Variants in GATA3 observed in about 807,000 individuals in gnomAD.
GATA3 encodes the protein trans-acting T-cell-specific transcription factor GATA-3.
GATA3 carries 6 observed loss-of-function variants against 36.0 expected under a neutral mutation model. The ratio of observed to expected loss-of-function variants is 0.17; its 90% CI spans 0.09 to 0.33. The LOEUF is 0.33. Ranked by LOEUF, GATA3 falls within the 10% of genes least tolerant of loss-of-function variation. The pLI is 1.00. For missense variants in GATA3, 514 were observed against 610.1 expected (o/e 0.84, Z 1.66); for synonymous variants, 326 against 273.0 (o/e 1.19, Z -1.92).
In GATA3 at chr10:8,058,770, C is replaced by G. The variant is rs373442518; in HGVS notation, c.707C>G (p.Pro236Arg). 23 of 1,610,636 alleles carry G rather than the reference C, an allele frequency of 1.4e-5. No individual in the cohort carries two copies. The highest frequency in any genetic ancestry group is 5.0e-5 in the Admixed American group (3 of 59,994). Residue 236 changes from proline to arginine, a missense_variant, in exon 3 of 6, where the codon CCC (proline) becomes CGC (arginine). Physicochemically the swap from Pro to Arg is moderately radical, Grantham distance 103 (BLOSUM62 -2). This residue lies in a region of GATA3 where 381 missense variants were observed against 354.3 expected (regional missense o/e 1.08). Transcript: ENST00000379328. ...GAGTACAGCTCCGGACTCTTCCCCCCCAGCAGCCTGCTGGGCGGCTCCCCC... is the reference window on the plus strand; with the variant it reads ...GAGTACAGCTCCGGACTCTTCCCCCGCAGCAGCCTGCTGGGCGGCTCCCCC... ...VPEYSSGLFPPSSLLGGSPTG... is the reference protein window; with the variant it reads ...VPEYSSGLFPRSSLLGGSPTG...
chr10:8,065,179 A>G (rs1005031174), intron 4 of GATA3, among the ~76,000 whole-genome samples: 2 of 151,574 alleles, frequency 1.3e-5, no homozygotes, highest in East Asian at 1.9e-4. Context: ...TTTAAAGAAT[A>G]CTTTGCCCTC....
intron 5 of GATA3, among the ~76,000 whole-genome samples, chr10:8,072,549 C>T (rs1024976895): frequency 1.3e-5 from 2 of 152,110 alleles, no homozygotes; most frequent in Non-Finnish European, 2.9e-5. Context: ...TTCTGGGCCC[C>T]CAAAGCAAAT....
At chr10:8,058,168 A>AATT (rs368598168) in intron 2 of GATA3, 137 bp from the exon 3 acceptor site, 1 of 886,956 alleles carries the variant, frequency 1.1e-6, no homozygotes. Context: ...CGCCAGGATG[A>AATT]GAGAGTGGGC....
upstream of GATA3, chr10:8,051,010 C>T (rs759983579): frequency 3.9e-6 from 2 of 513,298 alleles, no homozygotes; most frequent in Non-Finnish European, 8.0e-6. Context: ...GGCCCGGCCG[C>T]GAGCATCTCC....
At chr10:8,070,230 C>T (rs891865216) in intron 5 of GATA3, among the ~76,000 whole-genome samples, 1 of 152,198 alleles carries the variant, frequency 6.6e-6, no homozygotes, top group Non-Finnish European at 1.5e-5. Context: ...TGTTACCATA[C>T]CAGGGAAAAT....
At chr10:8,054,276 T>C (rs1305931887), upstream of GATA3, among the ~76,000 whole-genome samples, 1 of 152,166 alleles carries the variant, frequency 6.6e-6, no homozygotes, top group Admixed American at 6.5e-5. This position sits in a 1 kb window ranked among gnomAD's most constrained non-coding sequence, Gnocchi z 4.2. Context: ...TTTTTAAAAG[T>C]CTGAAAAAGA....
intron 5 of GATA3, among the ~76,000 whole-genome samples, chr10:8,070,130 A>G (rs536523176): frequency 1.6e-4 from 24 of 152,352 alleles, no homozygotes; most frequent in South Asian, 2.1e-4. Flanking sequence ...ATGGAAAAAA[A>G]TGTCTGACAG....
At chr10:8,053,345 C>T (rs1487623144), upstream of GATA3, 1 of 152,278 alleles carries the variant, frequency 6.6e-6, no homozygotes. This position sits in a 1 kb window ranked among gnomAD's most constrained non-coding sequence, Gnocchi z 5.1. Context: ...CACTCCCTCT[C>T]CTGGCAGCAT....
rs1250871296 is a variant in GATA3 at position 8,074,974 on chromosome 10, C to T, written c.*951C>T. 1.7e-5 allele frequency: 4 copies of T among 233,280 alleles called. No homozygotes were observed. The highest frequency in any genetic ancestry group is 2.5e-5 in the Non-Finnish European group (3 of 117,998). 14.5% of individuals were successfully genotyped at this position (233,280 alleles called of 1,614,324 possible). ...ATTTATTAAATAGCTTCTAAGAGTC[C>T]GGCGGCATCTGTCTTGTCCCTATTC... On this transcript the variant is annotated 3_prime_UTR_variant, in exon 6 of 6. Transcript: ENST00000379328.
upstream of GATA3, chr10:8,051,003 C>T (rs1271992824): frequency 2.0e-6 from 1 of 505,410 alleles, no homozygotes; most frequent in East Asian, 5.8e-5. Flanking sequence ...GGTGGGTGGC[C>T]CGGCCGCGAG....
chr10:8,063,329 G>A (rs1588383033), intron 3 of GATA3, among the ~76,000 whole-genome samples: 1 of 152,142 alleles, frequency 6.6e-6, no homozygotes, highest in Non-Finnish European at 1.5e-5. Context: ...CGTAACAGCG[G>A]CTGGAAAGCT....
chr10:8,049,501 G>A (rs1181932169), upstream of GATA3, among the ~76,000 whole-genome samples: 3 of 152,212 alleles, frequency 2.0e-5, no homozygotes, highest in South Asian at 4.1e-4. Flanking sequence ...GAGTGGCAGA[G>A]ACAGAGATAA....
At chr10:8,050,028 G>A (rs1169514785), upstream of GATA3, among the ~76,000 whole-genome samples, 1 of 152,192 alleles carries the variant, frequency 6.6e-6, no homozygotes, top group Non-Finnish European at 1.5e-5. Flanking sequence ...GGCCGGCCCT[G>A]GCCTGGCTCA....
chr10:8,067,613 T>G (rs3847417), intron 4 of GATA3, among the ~76,000 whole-genome samples: 78,270 of 151,972 alleles, frequency 0.52, 20,886 homozygotes, highest in East Asian at 0.7. Flanking sequence ...GGTCAGGAGA[T>G]AGAGACCATC....
At chr10:8,052,901 G>GA (rs1008095341), upstream of GATA3, 3 of 150,676 alleles carry the variant, frequency 2.0e-5, no homozygotes, top group Non-Finnish European at 3.0e-5. Context: ...ACGTGGCGGG[G>GA]GGGGGGGGAG....
At chr10:8,052,572 G>T (rs1453373053), upstream of GATA3, 1 of 152,220 alleles carries the variant, frequency 6.6e-6, no homozygotes, top group Admixed American at 6.5e-5. Flanking sequence ...CTGGGCTCAC[G>T]CTGCGTGGCG....
chr10:8,054,298 A>G (rs1355162759), upstream of GATA3, among the ~76,000 whole-genome samples: 2 of 152,226 alleles, frequency 1.3e-5, no homozygotes, highest in African/African-American at 4.8e-5. The surrounding 1 kb of genome is among the most constrained non-coding windows in gnomAD (Gnocchi z 4.2). Context: ...AATTCTGCCC[A>G]TCGAAATGAA....
At chr10:8,063,882 G>T (rs539578361) in intron 3 of GATA3, 111 bp from the exon 4 acceptor site, 2 of 1,459,200 alleles carry the variant, frequency 1.4e-6, no homozygotes, top group Admixed American at 1.7e-5. Flanking sequence ...CAAAAGAGGA[G>T]GGAGAAGGAA....
intron 4 of GATA3, among the ~76,000 whole-genome samples, chr10:8,067,137 C>A (rs971030325): frequency 4.6e-5 from 7 of 151,890 alleles, no homozygotes; most frequent in Admixed American, 4.6e-4. Context: ...AAAAAGTACA[C>A]AAATGAAACA....
Sources: gnomAD v4.1 joint callset for allele counts (sites outside exome capture counted in the v4.1 genomes callset) on GRCh38, gnomAD v4.1.1 for gene constraint, gnomAD v4.1.1 regional missense constraint, Gnocchi (gnomAD v3.1) non-coding constraint, MANE v1.5 for transcripts, NCBI Gene and HGNC (gene_info 2026-07-23, HGNC 2026-07-21) for gene names.